CACNA1D: variants seen among roughly 807,000 people sequenced by gnomAD.
CACNA1D encodes the protein voltage-dependent L-type calcium channel subunit alpha-1D.
A neutral mutation model predicts 257.1 loss-of-function variants in CACNA1D; 55 were observed. That is an observed-to-expected ratio of 0.21 (90% confidence interval 0.17 to 0.27). CACNA1D has a LOEUF of 0.27. Ranked by LOEUF, CACNA1D falls within the 10% of genes least tolerant of loss-of-function variation. CACNA1D has a pLI of 1.00. For synonymous variants in CACNA1D, 980 were observed against 1,014.9 expected, an observed-to-expected ratio of 0.97 and a Z score of 0.65; for missense variants, 1,876 against 2,784.0, an observed-to-expected ratio of 0.67 and a Z score of 7.34.
Position 53,687,549 on chromosome 3 carries a change from G to A in CACNA1D, c.1220+14423G>A, listed in dbSNP as rs552891554. Among the ~76,000 whole-genome samples the A allele has an allele frequency of 4.0e-4, 61 of 151,540 alleles. 2 individuals carry two copies. The highest frequency in any genetic ancestry group is 1.6e-4 in the Non-Finnish European group (11 of 67,878). On this transcript the variant is annotated intron_variant, in intron 8 of 47. Transcript: ENST00000350061. ...AAAAAAAATAAGCTGGAGAAACTGG[G>A]TATCTGCAAAAAGTGTGATGCTCAG...
chr3:53,773,787 G>A (rs768368492), intron 33 of CACNA1D: 1 of 151,844 alleles, frequency 6.6e-6, no homozygotes, highest in Non-Finnish European at 1.5e-5. Context: ...TCAGCAGCAC[G>A]TGGTGCTATG....
chr3:53,787,443 GTGTGTGTGTGTA>G (rs2095460649), intron 40 of CACNA1D, among the ~76,000 whole-genome samples: 2 of 151,572 alleles, frequency 1.3e-5, no homozygotes, highest in African/African-American at 4.9e-5. Flanking sequence ...GTGTGTGTGT[GTGTGTGTGTGTA>G]TGTATGTATG....
intron 3 of CACNA1D, among the ~76,000 whole-genome samples, chr3:53,639,105 G>A (rs1187900272): frequency 6.6e-5 from 10 of 152,196 alleles, no homozygotes; most frequent in African/African-American, 2.2e-4. Flanking sequence ...ATAACTCAGT[G>A]CCTGTGAACC....
intron 30 of CACNA1D, among the ~76,000 whole-genome samples, chr3:53,763,271 T>C (rs756662121): frequency 1.2e-4 from 18 of 152,172 alleles, no homozygotes; most frequent in Non-Finnish European, 2.2e-4. Context: ...ATCCAGTAGA[T>C]TCACTTGAGG....
intron 3 of CACNA1D, among the ~76,000 whole-genome samples, chr3:53,510,072 G>T (rs1333435793): frequency 2.6e-5 from 4 of 152,092 alleles, no homozygotes; most frequent in Non-Finnish European, 5.9e-5. Flanking sequence ...TTCATATTTT[G>T]CATTCTTACT....
intron 3 of CACNA1D, among the ~76,000 whole-genome samples, chr3:53,546,854 A>T (rs1475559763): frequency 6.6e-6 from 1 of 152,220 alleles, no homozygotes; most frequent in Non-Finnish European, 1.5e-5. Flanking sequence ...GTTGTAAAAT[A>T]TCCAGCCCAG....
intron 3 of CACNA1D, among the ~76,000 whole-genome samples, chr3:53,542,007 T>C (rs556118644): frequency 6.6e-6 from 1 of 152,128 alleles, no homozygotes; most frequent in Non-Finnish European, 1.5e-5. Flanking sequence ...AGTGGGGTGA[T>C]AGGGAGGTGA....
chr3:53,632,108 A>C (rs950619375), intron 3 of CACNA1D, among the ~76,000 whole-genome samples: 5 of 152,216 alleles, frequency 3.3e-5, no homozygotes, highest in African/African-American at 1.2e-4. Flanking sequence ...TCTAGCTAGA[A>C]AAATCGTCGA....
At chr3:53,516,390 C>A (rs1243003171) in intron 3 of CACNA1D, among the ~76,000 whole-genome samples, 1 of 152,208 alleles carries the variant, frequency 6.6e-6, no homozygotes, top group Non-Finnish European at 1.5e-5. Flanking sequence ...GTGGCCTAGT[C>A]CACGGAGGTT....
rs553497698 is a variant in CACNA1D, at chr3:53,793,915, G to A, written c.4924-6334G>A. Among the ~76,000 whole-genome samples, 1 of 152,278 alleles carries A rather than the reference G, an allele frequency of 6.6e-6. No individual in the cohort carries two copies. The highest frequency in any genetic ancestry group is 2.4e-5 in the African/African-American group (1 of 41,552). ...TTTAGAATCTTCACAGACACACACAGCAAACTTGGCACCCCCAACACCAGC... is the reference window on the plus strand; with the variant it reads ...TTTAGAATCTTCACAGACACACACAACAAACTTGGCACCCCCAACACCAGC... On this transcript the variant is annotated intron_variant, in intron 40 of 47. Coordinates refer to ENST00000350061, the MANE Select transcript of CACNA1D (RefSeq NM_001128840.3). This position sits in a 1 kb window ranked among gnomAD's most constrained non-coding sequence, Gnocchi z 4.1.
At chr3:53,693,462 T>A (rs1309337803) in intron 8 of CACNA1D, among the ~76,000 whole-genome samples, 2 of 46,946 alleles carry the variant, frequency 4.3e-5, no homozygotes, top group African/African-American at 1.0e-4. Flanking sequence ...ATTGCTGTTA[T>A]TTTTTTTTTT....
At chr3:53,636,131 A>C (rs975562719) in intron 3 of CACNA1D, among the ~76,000 whole-genome samples, 4 of 152,172 alleles carry the variant, frequency 2.6e-5, no homozygotes, top group African/African-American at 9.7e-5. Flanking sequence ...ACCAGTGAGC[A>C]TGAGAGCAAG....
At chr3:53,641,121 G>A (rs1291081699) in intron 3 of CACNA1D, among the ~76,000 whole-genome samples, 1 of 152,182 alleles carries the variant, frequency 6.6e-6, no homozygotes, top group Non-Finnish European at 1.5e-5. Context: ...GAGGCACGTG[G>A]AGGAGGAAGG....
At chr3:53,542,107 A>G (rs1174247033) in intron 3 of CACNA1D, among the ~76,000 whole-genome samples, 1 of 152,190 alleles carries the variant, frequency 6.6e-6, no homozygotes, top group Non-Finnish European at 1.5e-5. Context: ...TGAATATATT[A>G]AAAGCCATTA....
At chr3:53,745,983 C>G (rs2108844217) in intron 25 of CACNA1D, 108 bp downstream of exon 25, 1 of 826,646 alleles carries the variant, frequency 1.2e-6, no homozygotes, top group Non-Finnish European at 2.1e-6. Flanking sequence ...TAAAATAGGC[C>G]TGTGTGCTCA....
At chr3:53,585,753 G>A (rs752146615) in intron 3 of CACNA1D, among the ~76,000 whole-genome samples, 5 of 152,076 alleles carry the variant, frequency 3.3e-5, no homozygotes, top group Admixed American at 1.3e-4. Context: ...GCTGGTCCAC[G>A]CAGACAGGGC....
intron 3 of CACNA1D, among the ~76,000 whole-genome samples, chr3:53,538,258 G>A (rs941404213): frequency 4.1e-5 from 6 of 144,904 alleles, no homozygotes; most frequent in Admixed American, 7.2e-5. Flanking sequence ...AGCGTTTCTC[G>A]TGCCTTAGCT....
chr3:53,707,318 G>T (rs148397558), intron 9 of CACNA1D, among the ~76,000 whole-genome samples: 4 of 151,934 alleles, frequency 2.6e-5, no homozygotes, highest in Non-Finnish European at 4.4e-5. Flanking sequence ...TTTCATTAAG[G>T]TTCCCTGGGG....
rs537060934 is a variant in CACNA1D at position 53,495,695 on chromosome 3, G to A, written c.67+462G>A. On this transcript the variant is annotated intron_variant, in intron 1 of 47. Coordinates refer to ENST00000350061, the MANE Select transcript of CACNA1D (RefSeq NM_001128840.3). This position sits in a 1 kb window ranked among gnomAD's most constrained non-coding sequence, Gnocchi z 5.1. ...GAAAATTCTAGGATTGCCCGGTTTCGCCCTCCGCGCCGGTGGGTGAAGCAC... is the reference window on the plus strand; with the variant it reads ...GAAAATTCTAGGATTGCCCGGTTTCACCCTCCGCGCCGGTGGGTGAAGCAC... Among the ~76,000 whole-genome samples the A allele has an allele frequency of 6.6e-6, 1 of 152,238 alleles. No individual in the cohort carries two copies. The highest frequency in any genetic ancestry group is 1.5e-5 in the Non-Finnish European group (1 of 68,048).
Sources: allele counts gnomAD v4.1 joint callset (sites outside exome capture counted in the v4.1 genomes callset), GRCh38; gene constraint gnomAD v4.1.1; non-coding constraint Gnocchi (gnomAD v3.1); transcripts MANE v1.5; gene names NCBI Gene and HGNC (gene_info 2026-07-23, HGNC 2026-07-21).